MED13: variants seen among roughly 807,000 people sequenced by gnomAD.
The protein encoded by MED13 is mediator complex subunit 13.
A neutral mutation model predicts 225.2 loss-of-function variants in MED13; 23 were observed. The observed-to-expected ratio is 0.10, with a 90% CI of 0.07 to 0.14. MED13 has a LOEUF of 0.14. MED13 is among the 10% of genes least tolerant of loss of function. The pLI is 1.00. For synonymous variants in MED13, 942 were observed against 889.2 expected (o/e 1.06, Z -1.06); for missense variants, 2,197 against 2,594.5 (o/e 0.85, Z 3.33).
Position 61,982,343 on chromosome 17 carries a change from C to G in MED13, c.3660G>C (p.Trp1220Cys), listed in dbSNP as rs376182430. The G allele has an allele frequency of 3.0e-5, 48 of 1,614,166 alleles. No homozygotes were observed. The highest frequency in any genetic ancestry group is 4.1e-5 in the Non-Finnish European group (48 of 1,180,026). ...PFPKSGVISN[W>C]VRVEERDCCN... ...AACAGTCACGCTCTTCAACACGTAC[C>G]CAATTGCTAATTACACCACTTTTAG... The change falls in exon 16 of 30, where the codon TGG becomes TGC. Residue 1220 changes from tryptophan (W) to cysteine (C), a missense_variant. Around this residue, in one of 12 missense-constraint regions of MED13, gnomAD observed 203 missense variants for 209.7 expected, o/e 0.97. Coordinates refer to ENST00000397786, the MANE Select transcript of MED13 (RefSeq NM_005121.3).
intron 8 of MED13, among the ~76,000 whole-genome samples, chr17:62,026,478 TAAA>T (rs377190736): frequency 8.2e-6 from 1 of 122,624 alleles, no homozygotes; most frequent in Non-Finnish European, 1.7e-5. Context: ...TATTTATCAT[TAAA>T]AAAAAAAAAA....
In MED13 at chr17:62,030,131, T is replaced by C. The variant is rs1603405198; in HGVS notation, c.1010-118A>G. 7.0e-6 allele frequency: 7 copies of C among 1,005,400 alleles called. No homozygotes were observed. In the East Asian group the frequency reaches 1.7e-4, roughly 25 times the overall value. 62.3% of individuals were successfully genotyped at this position (1,005,400 alleles called of 1,614,324 possible). ...GCTCCAGCTATCTGGTAAAATTATT[T>C]ATATTTTGAGATAAAAAGCATGCTA... On this transcript the variant is annotated intron_variant, in intron 6 of 29. Transcript: ENST00000397786.
chr17:62,063,028 T>A, intron 2 of MED13, 39 bp downstream of exon 2: 3 of 1,449,222 alleles, frequency 2.1e-6, no homozygotes, highest in Middle Eastern at 1.7e-4. Context: ...GTATACAATG[T>A]TGCTATATCA....
chr17:61,968,210 C>A lies in MED13; in HGVS notation c.4016G>T (p.Gly1339Val). ...EPLPIPTFLL[G>V]YDYDYLVLSP... is the part of the protein sequence containing the mutation. ...AAGCACCAGATAATCATAATCATAA[C>A]CCAACAAAAATGTGGGGATTGGCAG... The change falls in exon 18 of 30, where the codon GGT becomes GTT. Residue 1339 changes from glycine to valine, a missense_variant. Transcript: ENST00000397786. The A allele has an allele frequency of 1.9e-6, 3 of 1,614,070 alleles. No individual in the cohort carries two copies. Among genetic ancestry groups the A allele is most frequent in the Non-Finnish European group, 2.5e-6 (3 of 1,179,978 alleles).
chr17:61,953,189 T>C (rs1330311092), intron 26 of MED13, 76 bp from the exon 27 acceptor site: 2 of 1,444,344 alleles, frequency 1.4e-6, no homozygotes, highest in East Asian at 2.4e-5. Context: ...AGGGTCAAAA[T>C]AAATGAAATT....
At chr17:61,976,796 G>A (rs2080160407) in intron 16 of MED13, among the ~76,000 whole-genome samples, 1 of 152,118 alleles carries the variant, frequency 6.6e-6, no homozygotes, top group Admixed American at 6.6e-5. Flanking sequence ...AGCTGGGCAT[G>A]TGGCGGGCAC....
At chr17:61,962,648 G>T in intron 21 of MED13, 104 bp downstream of exon 21, 1 of 864,006 alleles carries the variant, frequency 1.2e-6, no homozygotes, top group Non-Finnish European at 1.8e-6. Flanking sequence ...AATAGAACTT[G>T]GCTTTTAGAT....
At chr17:61,956,974 C>T (rs2079950852) in intron 23 of MED13, among the ~76,000 whole-genome samples, 1 of 152,178 alleles carries the variant, frequency 6.6e-6, no homozygotes, top group African/African-American at 2.4e-5. Context: ...TTCTATTTCA[C>T]ATTATAATAT....
rs200446468 is a variant in MED13 at position 62,010,657 on chromosome 17, G to A, written c.1860C>T (p.Phe620=). The A allele has an allele frequency of 4.7e-4, 698 of 1,498,256 alleles. 2 individuals carry two copies. The highest frequency in any genetic ancestry group is 7.2e-4 in the Middle Eastern group (4 of 5,538). 92.8% of individuals were successfully genotyped at this position (1,498,256 alleles called of 1,614,324 possible). A position where few individuals can be genotyped will look rare whatever the true frequency, so the allele number is the denominator to read the frequency against. Residue 620 remains phenylalanine, a synonymous_variant, in exon 9 of 30, where the codon TTC becomes TTT. Coordinates refer to ENST00000397786, the MANE Select transcript of MED13 (RefSeq NM_005121.3). Reference sequence around the variant, plus strand: ...AAAACTCTACATCTTTTTTCTTTGGGAACTTGTAATACTTCCAGGCTATAT... The same window carrying A: ...AAAACTCTACATCTTTTTTCTTTGGAAACTTGTAATACTTCCAGGCTATAT... ...EANIAWKYYK[F]PKKKDVEFLP... is the part of the protein sequence containing the mutation.
chr17:61,959,362 A>AC (rs1202110990), intron 23 of MED13, among the ~76,000 whole-genome samples: 2 of 152,166 alleles, frequency 1.3e-5, no homozygotes, highest in African/African-American at 4.8e-5. Context: ...TTATCAAGGT[A>AC]GTAAAATGAT....
intron 8 of MED13, among the ~76,000 whole-genome samples, chr17:62,019,752 T>TC (rs2143632965): frequency 6.6e-6 from 1 of 151,786 alleles, no homozygotes; most frequent in East Asian, 1.9e-4. Flanking sequence ...TTTTCTTTTT[T>TC]TTTTTTTTGA....
intron 18 of MED13, among the ~76,000 whole-genome samples, chr17:61,966,876 A>C (rs879634780): frequency 4.6e-5 from 7 of 152,146 alleles, no homozygotes; most frequent in Admixed American, 4.6e-4. Flanking sequence ...GAAATTCATT[A>C]ATTTTTTTTC....
intron 9 of MED13, among the ~76,000 whole-genome samples, 172 bp from the exon 10 acceptor site, chr17:61,995,537 A>G (rs571095729): frequency 1.3e-5 from 2 of 152,354 alleles, no homozygotes; most frequent in African/African-American, 4.8e-5. Flanking sequence ...GAAGTCTAAA[A>G]TTTAGCCATA....
chr17:62,054,259 C>A (rs2080979453), intron 2 of MED13, among the ~76,000 whole-genome samples: 1 of 151,784 alleles, frequency 6.6e-6, no homozygotes, highest in Non-Finnish European at 1.5e-5. Context: ...CAAGATCGTG[C>A]CACTGCACTC....
Position 62,060,757 on chromosome 17 carries a change from T to C in MED13, c.301+2310A>G, listed in dbSNP as rs529884970. Among the ~76,000 whole-genome samples the C allele has an allele frequency of 5.3e-5, 8 of 151,666 alleles. No homozygotes were observed. In the East Asian group the frequency reaches 7.8e-4, roughly 15 times the overall value. ...CTCTGTCGCCCAGGCTGGAGTGCAG[T>C]GGCAAGATCTCGGCTCACTGCAACC... On this transcript the variant is annotated intron_variant, in intron 2 of 29. Transcript: ENST00000397786.
chr17:61,946,979 G>T lies in MED13; in HGVS notation c.6330C>A (p.Asp2110Glu). ...GGGAGTGTTTACTGTGAAGCAGCTCGTCAGATTGCACTGAAGGCACGTGGA... is the reference window on the plus strand; with the variant it reads ...GGGAGTGTTTACTGTGAAGCAGCTCTTCAGATTGCACTGAAGGCACGTGGA... ...LHLHVPSVQS[D>E]ELLHSKHSHP... Residue 2110 changes from aspartate to glutamate, a missense_variant, in exon 29 of 30, where the codon GAC (aspartate) becomes GAA (glutamate). Physicochemically the swap from Asp to Glu is conservative, Grantham distance 45. This residue lies in a region of MED13 where 216 missense variants were observed against 388.9 expected (regional missense o/e 0.56). Transcript: ENST00000397786. The T allele has an allele frequency of 1.2e-6, 2 of 1,614,100 alleles. No individual in the cohort carries two copies. The highest frequency in any genetic ancestry group is 1.3e-5 in the African/African-American group (1 of 75,036).
Position 61,992,457 on chromosome 17 carries a change from A to G in MED13, c.2263+83T>C. ...AACATAATGAATTATACAAAAAGGA[A>G]CATTAGAAGTCCAACAATATCAGAT... On this transcript the variant is annotated intron_variant, in intron 11 of 29. Coordinates refer to ENST00000397786, the MANE Select transcript of MED13 (RefSeq NM_005121.3). The G allele has an allele frequency of 7.6e-6, 6 of 789,140 alleles. No individual in the cohort carries two copies. The South Asian group carries it at 8.1e-5, about 11-fold the overall frequency. The allele number at this position is 789,140 out of a possible 1,614,324, so 48.9% of individuals were successfully genotyped here. A position where few individuals can be genotyped will look rare whatever the true frequency, so the allele number is the denominator to read the frequency against.
chr17:61,949,139 A>G (rs1267924643), intron 28 of MED13, among the ~76,000 whole-genome samples: 1 of 152,092 alleles, frequency 6.6e-6, no homozygotes, highest in Non-Finnish European at 1.5e-5. Context: ...ATTCTGGAAC[A>G]ATATTAGCAG....
intron 16 of MED13, among the ~76,000 whole-genome samples, chr17:61,980,625 T>C (rs562362233): frequency 2.0e-5 from 3 of 152,170 alleles, no homozygotes; most frequent in Non-Finnish European, 4.4e-5. Flanking sequence ...TACTTACATC[T>C]CGCTGGCCTC....
Sources: gnomAD v4.1 joint callset for allele counts (sites outside exome capture counted in the v4.1 genomes callset) on GRCh38, gnomAD v4.1.1 for gene constraint, gnomAD v4.1.1 regional missense constraint, MANE v1.5 for transcripts, NCBI Gene and HGNC (gene_info 2026-07-23, HGNC 2026-07-21) for gene names.